The following RAG1 variants were observed in gnomAD, a reference collection of about 807,000 sequenced individuals.
The protein encoded by RAG1 is V(D)J recombination-activating protein 1.
A neutral mutation model predicts 62.7 loss-of-function variants in RAG1; 35 were observed. That is an observed-to-expected ratio of 0.56 (90% CI 0.43 to 0.74). The LOEUF is 0.74. Among genes scored for constraint, RAG1 ranks in the 30% least tolerant of loss-of-function variants. The pLI, the probability that RAG1 is intolerant of heterozygous loss-of-function variation, is 0.00. For synonymous variants in RAG1, 461 were observed against 470.3 expected, an observed-to-expected ratio of 0.98 and a Z score of 0.26; for missense variants, 1,169 against 1,278.6, an observed-to-expected ratio of 0.91 and a Z score of 1.31.
In RAG1 at chr11:36,574,837, G is replaced by A; in HGVS notation, c.1533G>A (p.Lys511=). The change falls in exon 2 of 2, where the codon AAG becomes AAA. Residue 511 remains lysine (K), a synonymous_variant. Transcript: ENST00000299440. ...QPLHALRNAE[K]VLLPGYHHFE... is the part of the protein sequence containing the mutation. ...TGCATGCCCTTCGGAATGCTGAGAA[G>A]GTACTTCTGCCAGGCTACCACCACT... 1 of 1,614,246 alleles carries A rather than the reference G, an allele frequency of 6.2e-7. No homozygotes were observed. The highest frequency in any genetic ancestry group is 8.5e-7 in the Non-Finnish European group (1 of 1,180,050).
chr11:36,549,749 C>T (rs1302790595), intron 3 of RAG1, among the ~76,000 whole-genome samples: 16 of 152,150 alleles, frequency 1.1e-4, no homozygotes, highest in Non-Finnish European at 2.2e-4. Context: ...TTTGACCCAG[C>T]AATCTCATTA....
chr11:36,561,935 G>A (rs1326031843), intron 3 of RAG1, among the ~76,000 whole-genome samples: 6 of 152,186 alleles, frequency 3.9e-5, no homozygotes, highest in African/African-American at 1.2e-4. Flanking sequence ...ATTTTAAGCA[G>A]AGAGAATGGC....
Position 36,531,611 on chromosome 11 carries a change from C to T in RAG1, n.429-4348C>T, listed in dbSNP as rs913727065. Among the ~76,000 whole-genome samples, 9 of 152,074 alleles carry T rather than the reference C, an allele frequency of 5.9e-5. No individual in the cohort carries two copies. The South Asian group carries it at 1.7e-3, about 28-fold the overall frequency. On this transcript the variant is annotated intron_variant and non_coding_transcript_variant, in intron 2 of 2. Coordinates refer to the RAG1 transcript ENST00000529126. ...TAATGTAGAAAACGTAACTCCTTTA[C>T]ATTTCACCATCAAACATAATTTTGG... is the stretch of plus-strand genomic sequence containing the variant.
chr11:36,549,462 A>G (rs1186819524), intron 3 of RAG1, among the ~76,000 whole-genome samples: 1 of 152,256 alleles, frequency 6.6e-6, no homozygotes, highest in Non-Finnish European at 1.5e-5. Flanking sequence ...AAGTGGGCGA[A>G]GGATATGAAC....
rs1490273597 is a variant in RAG1, at chr11:36,574,863, T to C, written c.1559T>C (p.Phe520Ser). 1.4e-5 allele frequency: 23 copies of C among 1,614,102 alleles called. No homozygotes were observed. The highest frequency in any genetic ancestry group is 1.9e-5 in the Non-Finnish European group (23 of 1,180,044). Reference protein sequence around the residue: ...EKVLLPGYHHFEWQPPLKNVS... With the variant: ...EKVLLPGYHHSEWQPPLKNVS... ...GTACTTCTGCCAGGCTACCACCACT[T>C]TGAGTGGCAGCCACCTCTGAAGAAT... Residue 520 changes from phenylalanine to serine, a missense_variant, in exon 2 of 2, where the codon TTT (phenylalanine) becomes TCT (serine). Physicochemically the swap from Phe to Ser is radical, Grantham distance 155. Around this residue, in one of 2 missense-constraint regions of RAG1, gnomAD observed 800 missense variants for 943.3 expected, o/e 0.85. Transcript: ENST00000299440.
intron 1 of RAG1, among the ~76,000 whole-genome samples, chr11:36,511,358 G>T (rs533130362): frequency 6.6e-6 from 1 of 152,310 alleles, no homozygotes; most frequent in Non-Finnish European, 1.5e-5. Context: ...GGAGGCTGAG[G>T]TGGGAGGATG....
chr11:36,521,414 G>T (rs189801069), intron 2 of RAG1, among the ~76,000 whole-genome samples: 1 of 152,266 alleles, frequency 6.6e-6, no homozygotes, highest in Admixed American at 6.5e-5. Flanking sequence ...GAGTCTCCCT[G>T]CCCAAACTCT....
At position 36,577,393 on chromosome 11, in the gene RAG1, T is replaced by C. The variant is rs1299151629; in HGVS notation, c.*957T>C. 1 of 167,000 alleles carries C rather than the reference T, an allele frequency of 6.0e-6. No individual in the cohort carries two copies. The allele number at this position is 167,000 out of a possible 1,614,324, so 10.3% of individuals were successfully genotyped here. A position where few individuals can be genotyped will look rare whatever the true frequency, so the allele number is the denominator to read the frequency against. ...TACTGAAACATTTTGCCAGACTTTC[T>C]CCAAATGAAACCTGAATCAATTTTT... On this transcript the variant is annotated 3_prime_UTR_variant, in exon 2 of 2. Coordinates refer to ENST00000299440, the MANE Select transcript of RAG1 (RefSeq NM_000448.3).
chr11:36,571,050 C>G (rs2133290153), intron 1 of RAG1, among the ~76,000 whole-genome samples: 1 of 152,226 alleles, frequency 6.6e-6, no homozygotes. Flanking sequence ...TCCACTTTTG[C>G]TTTGGTTGCC....
At chr11:36,544,331 T>C (rs1160416170) in intron 3 of RAG1, among the ~76,000 whole-genome samples, 1 of 152,168 alleles carries the variant, frequency 6.6e-6, no homozygotes, top group South Asian at 2.1e-4. Context: ...GAGGCAGAGA[T>C]TGGAGTGGTG....
chr11:36,548,670 T>A (rs781469808), intron 3 of RAG1, among the ~76,000 whole-genome samples: 1 of 152,108 alleles, frequency 6.6e-6, no homozygotes, highest in Non-Finnish European at 1.5e-5. Context: ...ATAGGAAGAA[T>A]CAATATTGTG....
At chr11:36,543,170 G>A (rs1164618376) in intron 3 of RAG1, among the ~76,000 whole-genome samples, 2 of 152,122 alleles carry the variant, frequency 1.3e-5, no homozygotes, top group Non-Finnish European at 2.9e-5. Flanking sequence ...TCAGATGCTG[G>A]CTGACCCTCT....
At chr11:36,538,620 G>A (rs952968143), downstream of RAG1, among the ~76,000 whole-genome samples, 2 of 152,130 alleles carry the variant, frequency 1.3e-5, no homozygotes, top group African/African-American at 2.4e-5. Context: ...CTGCAGTTAC[G>A]AAAAGGCACA....
In RAG1 at chr11:36,576,148, A is replaced by T. The variant is rs377118671; in HGVS notation, c.2844A>T (p.Glu948Asp). Residue 948 changes from glutamate (E) to aspartate (D), a missense_variant, in exon 2 of 2, where the codon GAA becomes GAT. By Grantham distance (45) the Glu-to-Asp change is conservative. This residue lies in a region of RAG1 where 800 missense variants were observed against 943.3 expected (regional missense o/e 0.85). Coordinates refer to ENST00000299440, the MANE Select transcript of RAG1 (RefSeq NM_000448.3). The stretch of plus-strand genomic sequence containing the variant: ...ACAAAACCCTGGCCCATGTTCCTGA[A>T]ATTATTGAGAGGGATGGCTCCATTG... ...YFHKTLAHVPEIIERDGSIGA... is the reference protein window; with the variant it reads ...YFHKTLAHVPDIIERDGSIGA... 5.6e-6 allele frequency: 9 copies of T among 1,614,082 alleles called. No homozygotes were observed. Among genetic ancestry groups the T allele is most frequent in the Non-Finnish European group, 7.6e-6 (9 of 1,180,034 alleles).
chr11:36,575,896 G>C lies in RAG1; in HGVS notation c.2592G>C (p.Glu864Asp). The C allele has an allele frequency of 6.2e-7, 1 of 1,614,196 alleles. No individual in the cohort carries two copies. The highest frequency in any genetic ancestry group is 8.5e-7 in the Non-Finnish European group (1 of 1,180,048). ...TTGCCAGGAAGCTCATGACCAAAGA[G>C]ACTGTGGATGCAGTTTGTGAGTTAA... ...GNFARKLMTK[E>D]TVDAVCELIP... The change falls in exon 2 of 2, where the codon GAG (glutamate) becomes GAC (aspartate). Residue 864 changes from glutamate (E) to aspartate (D), a missense_variant. This residue lies in a region of RAG1 where 800 missense variants were observed against 943.3 expected (regional missense o/e 0.85). Coordinates refer to ENST00000299440, the MANE Select transcript of RAG1 (RefSeq NM_000448.3). This position sits in a 1 kb window ranked among gnomAD's most constrained non-coding sequence, Gnocchi z 4.1.
chr11:36,536,557 G>C (rs1466768732), downstream of RAG1, among the ~76,000 whole-genome samples: 1 of 151,936 alleles, frequency 6.6e-6, no homozygotes, highest in African/African-American at 2.4e-5. Flanking sequence ...ATGGGTATTT[G>C]CTTTATAAAC....
upstream of RAG1, among the ~76,000 whole-genome samples, chr11:36,564,012 T>A (rs1850626661): frequency 6.6e-6 from 1 of 152,196 alleles, no homozygotes; most frequent in Non-Finnish European, 1.5e-5. Context: ...GTAAGTAGGA[T>A]GAGGAGGCAA....
upstream of RAG1, chr11:36,567,324 T>A (rs1382594880): frequency 6.6e-6 from 1 of 152,202 alleles, no homozygotes; most frequent in Non-Finnish European, 1.5e-5. Context: ...CCCATTGCTC[T>A]CAATAATGGG....
At chr11:36,514,826 A>G (rs1859974438) in intron 1 of RAG1, among the ~76,000 whole-genome samples, 1 of 152,128 alleles carries the variant, frequency 6.6e-6, no homozygotes, top group Non-Finnish European at 1.5e-5. Context: ...TCATTCCCTC[A>G]CTCACCACTC....
Sources: allele counts gnomAD v4.1 joint callset (sites outside exome capture counted in the v4.1 genomes callset), GRCh38; gene constraint gnomAD v4.1.1; regional missense constraint gnomAD v4.1.1; non-coding constraint Gnocchi (gnomAD v3.1); transcripts MANE v1.5; gene names NCBI Gene and HGNC (gene_info 2026-07-23, HGNC 2026-07-21).